Variants in ADAMTS5 observed in about 807,000 individuals in gnomAD.
ADAMTS5 encodes the protein A disintegrin and metalloproteinase with thrombospondin motifs 5.
A neutral mutation model predicts 81.4 loss-of-function variants in ADAMTS5; 54 were observed. That is an observed-to-expected ratio of 0.66 (90% CI 0.53 to 0.83). The LOEUF is 0.83. Among genes scored for constraint, ADAMTS5 ranks in the 40% least tolerant of loss-of-function variants. The probability of loss-of-function intolerance (pLI) is 0.00; values close to 1 mark genes in which losing one functional copy is unlikely to be tolerated. For synonymous variants in ADAMTS5, 532 were observed against 508.8 expected, an observed-to-expected ratio of 1.05 and a Z score of -0.61; for missense variants, 1,194 against 1,229.9, an observed-to-expected ratio of 0.97 and a Z score of 0.44.
At position 26,922,900 on chromosome 21, in the gene ADAMTS5, C is replaced by T. The variant is rs1268465082; in HGVS notation, c.*1153G>A. ...CATTAACCACATTAACAATGATAAC[C>T]ACTTCTCAATGTGGCTAACTACCAA... On this transcript the variant is annotated 3_prime_UTR_variant, in exon 8 of 8. Transcript: ENST00000284987. 1 of 152,494 alleles carries T rather than the reference C, an allele frequency of 6.6e-6. No homozygotes were observed. Among genetic ancestry groups the T allele is most frequent in the Non-Finnish European group, 1.5e-5 (1 of 68,000 alleles). 9.4% of individuals were successfully genotyped at this position (152,494 alleles called of 1,614,324 possible).
chr21:26,943,610 C>T, intron 2 of ADAMTS5, 63 bp from the exon 3 acceptor site: 1 of 1,489,010 alleles, frequency 6.7e-7, no homozygotes. Flanking sequence ...CTTTCCATGA[C>T]AATTATGCTA....
intron 2 of ADAMTS5, among the ~76,000 whole-genome samples, chr21:26,948,712 G>A (rs1426378673): frequency 6.6e-6 from 1 of 152,154 alleles, no homozygotes; most frequent in Non-Finnish European, 1.5e-5. Flanking sequence ...AATTTGGAAG[G>A]AAGAAACTCT....
chr21:26,927,195 G>T (rs151149801), intron 7 of ADAMTS5, among the ~76,000 whole-genome samples: 2 of 152,270 alleles, frequency 1.3e-5, no homozygotes, highest in South Asian at 4.1e-4. Flanking sequence ...TCTGCACAGT[G>T]CCAAGGACAA....
Position 26,965,745 on chromosome 21 carries a change from G to C in ADAMTS5, c.647C>G (p.Pro216Arg). 6.3e-7 allele frequency: 1 copy of C among 1,596,242 alleles called. No homozygotes were observed. Reference protein sequence around the residue: ...RASCETPASTPEAHEHAPAHS... With the variant: ...RASCETPASTREAHEHAPAHS... ...CGCCGGAGCATGCTCGTGGGCCTCC[G>C]GTGTGGACGCGGGGGTTTCGCAGCT... Residue 216 changes from proline to arginine, a missense_variant, in exon 1 of 8, where the codon CCG becomes CGG. Coordinates refer to ENST00000284987, the MANE Select transcript of ADAMTS5 (RefSeq NM_007038.5).
At chr21:26,963,309 C>T (rs1200347626) in intron 1 of ADAMTS5, among the ~76,000 whole-genome samples, 1 of 151,744 alleles carries the variant, frequency 6.6e-6, no homozygotes, top group Non-Finnish European at 1.5e-5. Context: ...AAACAAAAAA[C>T]AAATTCGGAA....
chr21:26,952,216 A>G (rs1300249184), intron 2 of ADAMTS5, among the ~76,000 whole-genome samples: 1 of 152,252 alleles, frequency 6.6e-6, no homozygotes, highest in East Asian at 1.9e-4. Flanking sequence ...AAGTGCACAG[A>G]AGGGCATAAT....
At chr21:26,937,133 CTA>C (rs1987029833) in intron 3 of ADAMTS5, among the ~76,000 whole-genome samples, 1 of 152,198 alleles carries the variant, frequency 6.6e-6, no homozygotes, top group African/African-American at 2.4e-5. Context: ...CACCACCTGA[CTA>C]TGCATACACA....
intron 2 of ADAMTS5, among the ~76,000 whole-genome samples, chr21:26,948,604 C>T (rs987765006): frequency 9.2e-5 from 14 of 152,152 alleles, no homozygotes; most frequent in African/African-American, 3.1e-4. Flanking sequence ...ATCATGCATG[C>T]TTATTCAAAC....
chr21:26,930,070 T>C lies in ADAMTS5; in HGVS notation c.2050-9A>G. 1 of 1,613,010 alleles carries C rather than the reference T, an allele frequency of 6.2e-7. No homozygotes were observed. The highest frequency in any genetic ancestry group is 8.5e-7 in the Non-Finnish European group (1 of 1,179,180). ...TCAGTGCCATCGGTCACCTGAATCA[T>C]GGCAAATGCATTAGGAGTGGGAAAT... On this transcript the variant is annotated splice_polypyrimidine_tract_variant and intron_variant, in intron 6 of 7. Transcript: ENST00000284987.
chr21:26,948,825 T>G (rs1987264657), intron 2 of ADAMTS5, among the ~76,000 whole-genome samples: 1 of 152,130 alleles, frequency 6.6e-6, no homozygotes, highest in Non-Finnish European at 1.5e-5. Flanking sequence ...TCTAGAAGCA[T>G]ATAAACATCT....
rs541667773 is a variant in ADAMTS5, at chr21:26,925,236, G to C, written c.2226-616C>G. 1.3e-5 allele frequency among the ~76,000 whole-genome samples: 2 copies of C among 152,324 alleles called. 1 individual carries two copies. Among genetic ancestry groups the C allele is most frequent in the East Asian group, 3.9e-4 (2 of 5,182 alleles). On this transcript the variant is annotated intron_variant, in intron 7 of 7. Transcript: ENST00000284987. ...ACAGAATTAATTAGTTTTTGGACTA[G>C]AGGTGAGTAGAGTCTCTGCATTCCT...
intron 3 of ADAMTS5, among the ~76,000 whole-genome samples, chr21:26,938,637 T>G (rs1169808816): frequency 6.6e-6 from 1 of 152,132 alleles, no homozygotes; most frequent in Non-Finnish European, 1.5e-5. Context: ...TCAAGTGATT[T>G]TCCTGCCTCA....
intron 2 of ADAMTS5, among the ~76,000 whole-genome samples, chr21:26,948,885 A>G (rs1027814911): frequency 4.6e-5 from 7 of 152,178 alleles, no homozygotes; most frequent in Admixed American, 6.5e-5. Context: ...TTAGCAGTAT[A>G]TTAGTTGTTG....
At chr21:26,937,249 T>C (rs1036215482) in intron 3 of ADAMTS5, among the ~76,000 whole-genome samples, 4 of 152,216 alleles carry the variant, frequency 2.6e-5, no homozygotes, top group Admixed American at 2.0e-4. Flanking sequence ...AGATGTGGCA[T>C]CTCTTTAAAA....
At chr21:26,950,352 T>C (rs193280514) in intron 2 of ADAMTS5, among the ~76,000 whole-genome samples, 30 of 152,280 alleles carry the variant, frequency 2.0e-4, no homozygotes, top group African/African-American at 6.7e-4. Flanking sequence ...ATAATAAAAG[T>C]TTGACAAGTT....
At chr21:26,942,085 C>G (rs568460043) in intron 3 of ADAMTS5, among the ~76,000 whole-genome samples, 1 of 152,106 alleles carries the variant, frequency 6.6e-6, no homozygotes, top group East Asian at 1.9e-4. Context: ...ACTCAGATTG[C>G]TTTTCAAAAT....
Position 26,924,671 on chromosome 21 carries a change from G to A in ADAMTS5, c.2226-51C>T, listed in dbSNP as rs1366766107. The A allele has an allele frequency of 1.2e-5, 18 of 1,450,350 alleles. No homozygotes were observed. In the Admixed American group the frequency reaches 2.0e-4, roughly 16 times the overall value. The allele number at this position is 1,450,350 out of a possible 1,614,324, so 89.8% of individuals were successfully genotyped here. A position where few individuals can be genotyped will look rare whatever the true frequency, so the allele number is the denominator to read the frequency against. ...GTGGGGGAAGGTGGTTAAAAAAAGGGAGAAAAAAATGAGTAAACACTTAAC... is the reference window on the plus strand; with the variant it reads ...GTGGGGGAAGGTGGTTAAAAAAAGGAAGAAAAAAATGAGTAAACACTTAAC... On this transcript the variant is annotated intron_variant, in intron 7 of 7. Coordinates refer to ENST00000284987, the MANE Select transcript of ADAMTS5 (RefSeq NM_007038.5).
In ADAMTS5 at chr21:26,939,954, A is replaced by G. The variant is rs183085868; in HGVS notation, c.1405+3426T>C. ...TGGCTTCTCCTTTTCTGAATCACAA[A>G]TCTGCAGACACAGTGACTTTAGAGT... On this transcript the variant is annotated intron_variant, in intron 3 of 7. Transcript: ENST00000284987. Among the ~76,000 whole-genome samples, 1,067 of 152,250 alleles carry G rather than the reference A, an allele frequency of 7.0e-3. 1 individual carries two copies. Among genetic ancestry groups the G allele is most frequent in the Admixed American group, 0.012 (187 of 15,288 alleles).
intron 1 of ADAMTS5, among the ~76,000 whole-genome samples, chr21:26,962,381 A>C (rs147772370): frequency 6.6e-6 from 1 of 152,320 alleles, no homozygotes; most frequent in East Asian, 1.9e-4. Context: ...GCCATTTCAG[A>C]ATGAAAACAG....
Sources: gnomAD v4.1 joint callset for allele counts (sites outside exome capture counted in the v4.1 genomes callset) on GRCh38, gnomAD v4.1.1 for gene constraint, MANE v1.5 for transcripts, NCBI Gene and HGNC (gene_info 2026-07-23, HGNC 2026-07-21) for gene names.